PAPSS1: variants seen among roughly 807,000 people sequenced by gnomAD.
PAPSS1 encodes bifunctional 3'-phosphoadenosine 5'-phosphosulfate synthase 1.
Under a neutral mutation model 72.0 loss-of-function variants are expected in PAPSS1, and 50 were observed. That is an observed-to-expected ratio of 0.69 (90% CI 0.55 to 0.88). The LOEUF is 0.88. Ranked by LOEUF, PAPSS1 falls within the 40% of genes least tolerant of loss-of-function variation. The pLI is 0.00. For synonymous variants in PAPSS1, 261 were observed against 263.6 expected (o/e 0.99, Z 0.09); for missense variants, 657 against 782.2 (o/e 0.84, Z 1.91).
At chr4:107,711,324 C>T (rs962451540) in intron 1 of PAPSS1, among the ~76,000 whole-genome samples, 2 of 152,190 alleles carry the variant, frequency 1.3e-5, no homozygotes, top group African/African-American at 2.4e-5. Flanking sequence ...ATTTTCTGTA[C>T]ATACTACAAA....
In PAPSS1 at chr4:107,631,664, T is replaced by C. The variant is rs141193464; in HGVS notation, c.1703A>G (p.Lys568Arg). ...GTCATAGTAGTCCATACGCTTCTTT[T>C]TCTTGTTGTAAGCTGCAACTCGAAA... ...VPFRVAAYNK[K>R]KKRMDYYDSE... Residue 568 changes from lysine to arginine, a missense_variant, in exon 11 of 12, where the codon AAA becomes AGA. Physicochemically the swap from Lys to Arg is conservative, Grantham distance 26. Around this residue, in one of 7 missense-constraint regions of PAPSS1, gnomAD observed 103 missense variants for 93.8 expected, o/e 1.10. Transcript: ENST00000265174. The C allele has an allele frequency of 6.2e-7, 1 of 1,613,918 alleles. No individual in the cohort carries two copies. The highest frequency in any genetic ancestry group is 8.5e-7 in the Non-Finnish European group (1 of 1,179,922).
intron 11 of PAPSS1, among the ~76,000 whole-genome samples, chr4:107,622,674 C>G (rs1333145917): frequency 6.6e-6 from 1 of 152,174 alleles, no homozygotes; most frequent in Non-Finnish European, 1.5e-5. Context: ...TACACAAAAT[C>G]TTTTATTAAC....
At chr4:107,651,064 G>A (rs140596030) in intron 9 of PAPSS1, among the ~76,000 whole-genome samples, 1 of 152,128 alleles carries the variant, frequency 6.6e-6, no homozygotes, top group Non-Finnish European at 1.5e-5. Context: ...CAAAAAAGAA[G>A]AGAAATGAGC....
At chr4:107,683,034 G>C (rs1486384203) in intron 4 of PAPSS1, among the ~76,000 whole-genome samples, 14 of 152,090 alleles carry the variant, frequency 9.2e-5, no homozygotes, top group Admixed American at 9.2e-4. Context: ...CAATTTCCCA[G>C]AGAGGGTTAT....
intron 9 of PAPSS1, among the ~76,000 whole-genome samples, chr4:107,645,492 G>C (rs1390432090): frequency 6.6e-6 from 1 of 152,182 alleles, no homozygotes; most frequent in African/African-American, 2.4e-5. Context: ...TTTACTAAGG[G>C]AGACAGAAAG....
At chr4:107,680,533 C>T (rs1387135705) in intron 5 of PAPSS1, among the ~76,000 whole-genome samples, 1 of 152,194 alleles carries the variant, frequency 6.6e-6, no homozygotes, top group Non-Finnish European at 1.5e-5. Flanking sequence ...ACAGACATAA[C>T]TGAAATCATG....
At chr4:107,684,108 G>A (rs1034656199) in intron 4 of PAPSS1, among the ~76,000 whole-genome samples, 3 of 152,156 alleles carry the variant, frequency 2.0e-5, no homozygotes, top group African/African-American at 7.2e-5. Context: ...CCCAGTTATA[G>A]AGTACAAACT....
At chr4:107,719,312 C>T (rs113813617) in intron 1 of PAPSS1, among the ~76,000 whole-genome samples, 2 of 151,932 alleles carry the variant, frequency 1.3e-5, no homozygotes, top group African/African-American at 4.8e-5. Flanking sequence ...CCTTTCCAGA[C>T]TCCAAAGATG....
intron 9 of PAPSS1, among the ~76,000 whole-genome samples, chr4:107,647,770 G>A (rs568191175): frequency 8.0e-4 from 121 of 151,908 alleles, no homozygotes; most frequent in African/African-American, 2.8e-3. Context: ...ACATCTTGTG[G>A]TCCTCTTGGA....
chr4:107,621,608 C>CTGTTTTTTTTTTTTTTTTTTTTT (rs1725956094), intron 11 of PAPSS1, among the ~76,000 whole-genome samples: 1 of 48,154 alleles, frequency 2.1e-5, no homozygotes, highest in African/African-American at 7.6e-5. Flanking sequence ...GGTTTTTTAT[C>CTGTTTTTTTTTTTTTTTTTTTTT]TTTTTTTTTT....
chr4:107,685,457 A>T (rs1722759216), intron 4 of PAPSS1, among the ~76,000 whole-genome samples: 1 of 152,194 alleles, frequency 6.6e-6, no homozygotes. Context: ...TGGACACACC[A>T]TTTTGCTTTT....
At chr4:107,642,820 A>C (rs1726583929) in intron 10 of PAPSS1, among the ~76,000 whole-genome samples, 1 of 152,204 alleles carries the variant, frequency 6.6e-6, no homozygotes. Flanking sequence ...AGTACTGGTG[A>C]GGCAATACAC....
At chr4:107,675,155 C>T (rs1342483310) in intron 5 of PAPSS1, among the ~76,000 whole-genome samples, 1 of 152,066 alleles carries the variant, frequency 6.6e-6, no homozygotes, top group Non-Finnish European at 1.5e-5. Flanking sequence ...CATTCAAAAG[C>T]TAGCAGAAGA....
intron 1 of PAPSS1, among the ~76,000 whole-genome samples, chr4:107,708,576 G>A (rs993857855): frequency 3.3e-5 from 5 of 152,168 alleles, no homozygotes; most frequent in Non-Finnish European, 7.3e-5. Flanking sequence ...AATCAAGCTA[G>A]AATGCATAAA....
rs1727459190 is a variant in PAPSS1, at chr4:107,671,252, A to C, written c.669+10763T>G. Reference sequence around the variant, plus strand: ...AAGTGAAGAGCTGCAAAATTTTCTCAAAATCAAGTTTTTTTTTTTCAAGAA... The same window carrying C: ...AAGTGAAGAGCTGCAAAATTTTCTCCAAATCAAGTTTTTTTTTTTCAAGAA... On this transcript the variant is annotated intron_variant, in intron 5 of 11. Coordinates refer to ENST00000265174, the MANE Select transcript of PAPSS1 (RefSeq NM_005443.5). Among the ~76,000 whole-genome samples, 3 of 152,168 alleles carry C rather than the reference A, an allele frequency of 2.0e-5. No homozygotes were observed. The South Asian group carries it at 6.2e-4, about 32-fold the overall frequency.
intron 2 of PAPSS1, among the ~76,000 whole-genome samples, chr4:107,699,743 T>A (rs1046016964): frequency 2.1e-4 from 32 of 152,292 alleles, no homozygotes; most frequent in African/African-American, 7.5e-4. Flanking sequence ...AAACATTTAA[T>A]GCCAGAAGAC....
intron 9 of PAPSS1, among the ~76,000 whole-genome samples, chr4:107,648,321 G>C (rs958536): frequency 6.6e-6 from 1 of 152,094 alleles, no homozygotes; most frequent in African/African-American, 2.4e-5. Flanking sequence ...ATCTAGAGGC[G>C]TTGCCAGCAA....
At chr4:107,678,016 T>G (rs1250474465) in intron 5 of PAPSS1, among the ~76,000 whole-genome samples, 1 of 151,932 alleles carries the variant, frequency 6.6e-6, no homozygotes. Context: ...AAGGGGAACA[T>G]CACACACCGG....
At chr4:107,650,154 T>G (rs1403564440) in intron 9 of PAPSS1, among the ~76,000 whole-genome samples, 4 of 152,112 alleles carry the variant, frequency 2.6e-5, no homozygotes, top group Non-Finnish European at 5.9e-5. Flanking sequence ...AATAAATAAA[T>G]AAATTCCCTG....
Sources: allele counts gnomAD v4.1 joint callset (sites outside exome capture counted in the v4.1 genomes callset), GRCh38; gene constraint gnomAD v4.1.1; regional missense constraint gnomAD v4.1.1; transcripts MANE v1.5; gene names NCBI Gene and HGNC (gene_info 2026-07-23, HGNC 2026-07-21).